The following ASB7 variants were observed in gnomAD, a reference collection of about 807,000 sequenced individuals.
The protein encoded by ASB7 is ankyrin repeat and SOCS box protein 7.
Under a neutral mutation model 32.5 loss-of-function variants are expected in ASB7, and 4 were observed. That is an observed-to-expected ratio of 0.12 (90% CI 0.06 to 0.28). ASB7 has a LOEUF of 0.28. Among genes scored for constraint, ASB7 ranks in the 10% least tolerant of loss-of-function variants. The pLI, the probability that ASB7 is intolerant of heterozygous loss-of-function variation, is 1.00. For synonymous variants in ASB7, 172 were observed against 155.6 expected, an observed-to-expected ratio of 1.11 and a Z score of -0.78; for missense variants, 181 against 407.1, an observed-to-expected ratio of 0.44 and a Z score of 4.78.
intron 5 of ASB7, among the ~76,000 whole-genome samples, chr15:100,641,938 G>A (rs1295965310): frequency 6.6e-6 from 1 of 152,222 alleles, no homozygotes; most frequent in Non-Finnish European, 1.5e-5. Context: ...AGATCACAGA[G>A]ACTGCAAGTG....
intron 4 of ASB7, among the ~76,000 whole-genome samples, chr15:100,615,084 G>C (rs908442802): frequency 6.6e-6 from 1 of 152,186 alleles, no homozygotes; most frequent in African/African-American, 2.4e-5. Context: ...TGCTGTACAG[G>C]CTTGTGGCCT....
intron 4 of ASB7, among the ~76,000 whole-genome samples, chr15:100,627,696 G>A (rs1230010972): frequency 6.6e-6 from 1 of 152,194 alleles, no homozygotes; most frequent in Non-Finnish European, 1.5e-5. Flanking sequence ...ACGAGTATAG[G>A]ATACAAATAA....
intron 4 of ASB7, among the ~76,000 whole-genome samples, chr15:100,616,685 A>T (rs915513885): frequency 6.6e-6 from 1 of 152,192 alleles, no homozygotes; most frequent in African/African-American, 2.4e-5. Context: ...ATTTGTTTTT[A>T]TGTAGCACCT....
intron 2 of ASB7, among the ~76,000 whole-genome samples, chr15:100,605,278 G>A (rs2039633712): frequency 6.6e-6 from 1 of 152,234 alleles, no homozygotes; most frequent in Non-Finnish European, 1.5e-5. Context: ...TTACCAACAT[G>A]GCTAGTTAGG....
chr15:100,603,074 A>G (rs12911872), intron 1 of ASB7, 28 bp downstream of exon 1: 5 of 398,862 alleles, frequency 1.3e-5, no homozygotes, highest in Non-Finnish European at 4.4e-6. Context: ...CCCCGAGGGG[A>G]AGAGTGCTGG....
In ASB7 at chr15:100,634,071, C is replaced by G. The variant is rs60128813; in HGVS notation, c.817+4029C>G. Among the ~76,000 whole-genome samples the G allele has an allele frequency of 4.6e-5, 7 of 152,326 alleles. No individual in the cohort carries two copies. The East Asian group carries it at 1.3e-3, about 29-fold the overall frequency. The stretch of plus-strand genomic sequence containing the variant: ...CAGATGTTATTAAACAGATACAGTA[C>G]TATAACCTTGTGAAAAGATTGTTCC... On this transcript the variant is annotated intron_variant, in intron 5 of 5. Transcript: ENST00000332783.
intron 5 of ASB7, among the ~76,000 whole-genome samples, chr15:100,637,731 G>GA (rs2141404551): frequency 6.6e-6 from 1 of 152,246 alleles, no homozygotes; most frequent in Admixed American, 6.5e-5. Flanking sequence ...AAAGTTACTT[G>GA]AAAAAAGTTA....
chr15:100,625,711 A>G (rs917420939), intron 4 of ASB7, among the ~76,000 whole-genome samples: 3 of 152,168 alleles, frequency 2.0e-5, no homozygotes, highest in Non-Finnish European at 4.4e-5. Context: ...AAAATTTATT[A>G]TCCCAAATAT....
chr15:100,614,462 A>G (rs1483834706), intron 4 of ASB7, among the ~76,000 whole-genome samples: 1 of 152,184 alleles, frequency 6.6e-6, no homozygotes, highest in Non-Finnish European at 1.5e-5. Flanking sequence ...CCAGATAGTA[A>G]ACATGAGAGG....
chr15:100,648,212 C>T, intron 5 of ASB7, 111 bp from the exon 6 acceptor site: 1 of 1,174,290 alleles, frequency 8.5e-7, no homozygotes, highest in Non-Finnish European at 1.2e-6. Flanking sequence ...CGGTCCTTTG[C>T]ATGTCAAGTC....
At chr15:100,646,084 A>G (rs1015420549) in intron 5 of ASB7, 2 of 396,486 alleles carry the variant, frequency 5.0e-6, no homozygotes, top group South Asian at 4.1e-5. Flanking sequence ...TGAGCTATCA[A>G]TAGCTGTGGA....
rs777345473 is a variant in ASB7 at position 100,650,264 on chromosome 15, T to C, written c.*1802T>C. On this transcript the variant is annotated 3_prime_UTR_variant, in exon 6 of 6. Transcript: ENST00000332783. ...AACGGGTAGTCTGTCCTCTTCCCCA[T>C]AAAAATGTTCCAAAAAGTTATCTCC... 6.6e-6 allele frequency: 1 copy of C among 152,200 alleles called. No homozygotes were observed. Among genetic ancestry groups the C allele is most frequent in the East Asian group, 1.9e-4 (1 of 5,200 alleles). 9.4% of individuals were successfully genotyped at this position (152,200 alleles called of 1,614,324 possible). A position where few individuals can be genotyped will look rare whatever the true frequency, so the allele number is the denominator to read the frequency against.
chr15:100,631,995 C>A (rs576868178), intron 5 of ASB7, among the ~76,000 whole-genome samples: 1 of 152,310 alleles, frequency 6.6e-6, no homozygotes, highest in South Asian at 2.1e-4. Flanking sequence ...CATGGAGGCA[C>A]GCAGCCACGT....
intron 4 of ASB7, among the ~76,000 whole-genome samples, chr15:100,627,514 ATTTGAT>A (rs1318794730): frequency 1.3e-5 from 2 of 152,256 alleles, no homozygotes; most frequent in Non-Finnish European, 1.5e-5. Flanking sequence ...CTAATCTCCC[ATTTGAT>A]TTTAACAGAG....
intron 5 of ASB7, among the ~76,000 whole-genome samples, chr15:100,644,425 A>G (rs1354501159): frequency 6.6e-6 from 1 of 152,246 alleles, no homozygotes; most frequent in Non-Finnish European, 1.5e-5. Flanking sequence ...GTAGCCCATG[A>G]ATAGTGTTGA....
intron 2 of ASB7, among the ~76,000 whole-genome samples, chr15:100,608,349 C>T (rs6598367): frequency 0.98 from 149,657 of 152,372 alleles, 73,538 homozygotes; most frequent in East Asian, 1. Context: ...GGAGAGACTA[C>T]CTATACAAAT....
At chr15:100,644,319 G>T (rs2039982929) in intron 5 of ASB7, among the ~76,000 whole-genome samples, 1 of 152,198 alleles carries the variant, frequency 6.6e-6, no homozygotes, top group Non-Finnish European at 1.5e-5. Context: ...AAAGAAAGAA[G>T]ATTCACATGT....
rs575807174 is a variant in ASB7, at chr15:100,649,077, G to T, written c.*615G>T. 11 of 152,282 alleles carry T rather than the reference G, an allele frequency of 7.2e-5. No individual in the cohort carries two copies. Among genetic ancestry groups the T allele is most frequent in the African/African-American group, 2.7e-4 (11 of 41,414 alleles). The allele number at this position is 152,282 out of a possible 1,614,324, so 9.4% of individuals were successfully genotyped here. A position where few individuals can be genotyped will look rare whatever the true frequency, so the allele number is the denominator to read the frequency against. ...TCTGCTTTTCTTTTGCTGTGCTCTT[G>T]TTTTTAACTTATTTTTTTTTTAACA... On this transcript the variant is annotated 3_prime_UTR_variant, in exon 6 of 6. Transcript: ENST00000332783.
At chr15:100,616,519 G>C (rs551140465) in intron 4 of ASB7, among the ~76,000 whole-genome samples, 1 of 152,280 alleles carries the variant, frequency 6.6e-6, no homozygotes, top group South Asian at 2.1e-4. Flanking sequence ...ATATGAGGTA[G>C]CCTGGTACAG....
Sources: gnomAD v4.1 joint callset for allele counts (sites outside exome capture counted in the v4.1 genomes callset) on GRCh38, gnomAD v4.1.1 for gene constraint, MANE v1.5 for transcripts, NCBI Gene and HGNC (gene_info 2026-07-23, HGNC 2026-07-21) for gene names.